Variants in RGPD3 observed in about 807,000 individuals in gnomAD.
The protein encoded by RGPD3 is RANBP2 like and GRIP domain containing 3, also known as ranBP2-like and GRIP domain-containing protein 3.
Under a neutral mutation model 154.5 loss-of-function variants are expected in RGPD3, and 62 were observed. The ratio of observed to expected loss-of-function variants is 0.40; its 90% CI spans 0.33 to 0.50. The LOEUF is 0.50. RGPD3 is among the 20% of genes least tolerant of loss of function. The pLI is 0.59. For missense variants in RGPD3, 919 were observed against 1,716.8 expected (o/e 0.54, Z 8.21); for synonymous variants, 308 against 607.0 (o/e 0.51, Z 7.24).
chr2:106,467,040 G>T (rs1385715801), intron 1 of RGPD3, among the ~76,000 whole-genome samples: 6 of 128,526 alleles, frequency 4.7e-5, no homozygotes, highest in Non-Finnish European at 8.5e-5. Context: ...AACAGAGCGC[G>T]CCAGGTAACA....
intron 7 of RGPD3, among the ~76,000 whole-genome samples, chr2:106,446,569 CAAA>C (rs550745664): frequency 2.4e-4 from 5 of 20,544 alleles, no homozygotes; most frequent in African/African-American, 5.9e-4. Context: ...GACTCCATCT[CAAA>C]AAAAAAAAAA....
rs1248600119 is a variant in RGPD3 at position 106,466,966 on chromosome 2, G to GC, written c.72+1250dup. 1.4e-3 allele frequency among the ~76,000 whole-genome samples: 177 copies of GC among 122,636 alleles called. 6 individuals carry two copies. The highest frequency in any genetic ancestry group is 4.5e-3 in the African/African-American group (164 of 36,242). The allele number at this position is 122,636 out of a possible 152,430, so 80.5% of individuals were successfully genotyped here. On this transcript the variant is annotated intron_variant, in intron 1 of 22. Coordinates refer to ENST00000409886, the MANE Select transcript of RGPD3 (RefSeq NM_001144013.2). ...GAGCCATGACGCCTGAGCCATCGAG[G>GC]CCGCCGCAGGGCCAGGTCGAGGCTG...
chr2:106,451,097 A>AC (rs72065034), intron 6 of RGPD3, among the ~76,000 whole-genome samples: 14,535 of 133,398 alleles, frequency 0.11, 263 homozygotes, highest in Non-Finnish European at 0.16. Context: ...CAAAAAAAAA[A>AC]AAACAAAAAA....
intron 15 of RGPD3, 51 bp downstream of exon 15, chr2:106,434,177 C>T: frequency 1.3e-6 from 2 of 1,594,608 alleles, no homozygotes; most frequent in Non-Finnish European, 1.7e-6. Context: ...CGCAAAAACA[C>T]TGACCAGTGG....
chr2:106,416,240 T>C (rs1278502540), intron 20 of RGPD3, among the ~76,000 whole-genome samples: 3 of 147,362 alleles, frequency 2.0e-5, no homozygotes, highest in Non-Finnish European at 3.0e-5. Context: ...GTTCTGAAAT[T>C]TGTCAGAATT....
chr2:106,414,412 A>C (rs1166527624), intron 21 of RGPD3, among the ~76,000 whole-genome samples: 2 of 152,132 alleles, frequency 1.3e-5, no homozygotes, highest in African/African-American at 4.8e-5. Context: ...TCACGAGGTC[A>C]GGAGATTTAG....
rs554062950 is a variant in RGPD3 at position 106,415,937 on chromosome 2, G to A, written c.4977C>T (p.Leu1659=). 489 of 1,611,690 alleles carry A rather than the reference G, an allele frequency of 3.0e-4. No individual in the cohort carries two copies. The highest frequency in any genetic ancestry group is 3.9e-4 in the Non-Finnish European group (463 of 1,179,840). ...GATCTGCACTTTTTGTGGTGGAACT[G>A]AGCTTCTGAACCAATTCTTCTTTAG... The part of the protein sequence containing the change: ...EFTKEELVQK[L]SSTTKSADHL... Residue 1659 remains leucine (L), a synonymous_variant, in exon 21 of 23, where the codon CTC becomes CTT. Coordinates refer to ENST00000409886, the MANE Select transcript of RGPD3 (RefSeq NM_001144013.2).
intron 1 of RGPD3, 143 bp downstream of exon 1, chr2:106,468,074 G>A (rs945368915): frequency 1.8e-6 from 2 of 1,096,764 alleles, no homozygotes; most frequent in Non-Finnish European, 1.2e-6. Context: ...GGGCCAGGTC[G>A]AGGCCGCCGC....
chr2:106,454,491 ATTAAACAAATG>A (rs1678189897), intron 4 of RGPD3, among the ~76,000 whole-genome samples: 1 of 152,016 alleles, frequency 6.6e-6, no homozygotes, highest in Non-Finnish European at 1.5e-5. Flanking sequence ...ACTCCCATTC[ATTAAACAAATG>A]TCAGAAACTG....
chr2:106,412,944 T>C (rs1389902714), intron 22 of RGPD3, 140 bp downstream of exon 22: 2 of 934,836 alleles, frequency 2.1e-6, no homozygotes, highest in Non-Finnish European at 3.3e-6. Flanking sequence ...GCTTTTCAAA[T>C]CTAGTCACGG....
intron 22 of RGPD3, among the ~76,000 whole-genome samples, chr2:106,409,945 G>A (rs957023691): frequency 7.0e-5 from 10 of 143,346 alleles, no homozygotes; most frequent in South Asian, 2.2e-4. Context: ...GCACCATCTC[G>A]GCTCACTGCA....
intron 1 of RGPD3, among the ~76,000 whole-genome samples, chr2:106,462,220 C>T (rs1475102997): frequency 1.6e-4 from 24 of 151,028 alleles, no homozygotes; most frequent in Admixed American, 1.6e-3. Context: ...ATTCAAGGTA[C>T]AATGCCAAAA....
chr2:106,441,723 C>T (rs1447359318), intron 7 of RGPD3, among the ~76,000 whole-genome samples: 4 of 151,214 alleles, frequency 2.6e-5, no homozygotes, highest in African/African-American at 4.9e-5. Flanking sequence ...AAGAGCCAGG[C>T]GTGGTGGCAC....
chr2:106,436,091 T>G, intron 12 of RGPD3, 32 bp downstream of exon 12: 1 of 1,570,780 alleles, frequency 6.4e-7, no homozygotes, highest in Non-Finnish European at 8.6e-7. Flanking sequence ...TAAGGTAATG[T>G]TCTTTTAAAA....
At chr2:106,422,894 T>C (rs191509565) in intron 20 of RGPD3, 149 bp downstream of exon 20, 26 of 1,547,324 alleles carry the variant, frequency 1.7e-5, no homozygotes, top group Non-Finnish European at 2.2e-5. Context: ...CATGAACTTA[T>C]TAAGGGAGAA....
At chr2:106,466,083 C>T (rs1225070185) in intron 1 of RGPD3, among the ~76,000 whole-genome samples, 1 of 151,712 alleles carries the variant, frequency 6.6e-6, no homozygotes, top group East Asian at 1.9e-4. Context: ...TGCCCAAGCC[C>T]CCGAGAACTA....
In RGPD3 at chr2:106,447,625, A is replaced by G; in HGVS notation, c.783-12T>C. The G allele has an allele frequency of 8.4e-6, 1 of 118,504 alleles. No individual in the cohort carries two copies. The highest frequency in any genetic ancestry group is 1.5e-5 in the Non-Finnish European group (1 of 67,240). The allele number at this position is 118,504 out of a possible 1,614,324, so 7.3% of individuals were successfully genotyped here. On this transcript the variant is annotated splice_polypyrimidine_tract_variant and intron_variant, in intron 6 of 22. Transcript: ENST00000409886. ...GAGCACTATCAAAACTGTAATATGA[A>G]AATATCAAACAGATGATACACACTT...
At position 106,413,092 on chromosome 2, in the gene RGPD3, A is replaced by G; in HGVS notation, c.5258T>C (p.Val1753Ala). The change falls in exon 22 of 23, where the codon GTT becomes GCT. Residue 1753 changes from valine (V) to alanine (A), a missense_variant. Transcript: ENST00000409886. ...ACTCTCCTTTTACCCACCTTGAGCA[A>G]CCGCAGCAAGTTTTCCCTTTTCTTC... ...SLEEKGKLAA[V>A]AQGEE 1 of 1,610,114 alleles carries G rather than the reference A, an allele frequency of 6.2e-7. No homozygotes were observed. Among genetic ancestry groups the G allele is most frequent in the East Asian group, 2.2e-5 (1 of 44,678 alleles).
chr2:106,468,475 C>T, upstream of RGPD3: 1 of 1,209,630 alleles, frequency 8.3e-7, no homozygotes, highest in Non-Finnish European at 1.1e-6. Context: ...GCTCGAGCTG[C>T]ACTCGGCTGG....
Sources: gnomAD v4.1 joint callset for allele counts (sites outside exome capture counted in the v4.1 genomes callset) on GRCh38, gnomAD v4.1.1 for gene constraint, MANE v1.5 for transcripts, NCBI Gene and HGNC (gene_info 2026-07-23, HGNC 2026-07-21) for gene names.